ZNF804A: variants seen among roughly 807,000 people sequenced by gnomAD.
ZNF804A encodes the protein zinc finger protein 804A.
Under a neutral mutation model 16.5 loss-of-function variants are expected in ZNF804A, and 2 were observed. That is an observed-to-expected ratio of 0.12 (90% CI 0.05 to 0.38). The LOEUF is 0.38. Ranked by LOEUF, ZNF804A falls within the 10% of genes least tolerant of loss-of-function variation. The pLI, the probability that ZNF804A is intolerant of heterozygous loss-of-function variation, is 0.99. For synonymous variants in ZNF804A, 534 were observed against 489.6 expected (o/e 1.09, Z -1.20); for missense variants, 1,473 against 1,390.7 (o/e 1.06, Z -0.94).
intron 1 of ZNF804A, among the ~76,000 whole-genome samples, chr2:184,658,733 C>G (rs1180655249): frequency 6.6e-6 from 1 of 152,104 alleles, no homozygotes; most frequent in Non-Finnish European, 1.5e-5. Flanking sequence ...TAATGCTCTT[C>G]AAGTATCAGA....
chr2:184,622,905 A>G (rs575682150), intron 1 of ZNF804A, among the ~76,000 whole-genome samples: 2 of 152,158 alleles, frequency 1.3e-5, no homozygotes, highest in African/African-American at 2.4e-5. Context: ...CACACAACAA[A>G]GATATGATAT....
chr2:184,661,879 C>T lies in ZNF804A; in HGVS notation c.111+62809C>T, dbSNP rs540771318. ...CTGTTGTTCCACCAACATTTTTAAA[C>T]TCCAGTTTCTCCTTTCCAGTATATA... is the stretch of plus-strand genomic sequence containing the variant. On this transcript the variant is annotated intron_variant, in intron 1 of 3. Transcript: ENST00000302277. Among the ~76,000 whole-genome samples the T allele has an allele frequency of 8.5e-5, 13 of 152,288 alleles. 1 individual carries two copies. The South Asian group carries it at 2.7e-3, about 32-fold the overall frequency.
Position 184,937,247 on chromosome 2 carries a change from C to G in ZNF804A, c.1851C>G (p.Arg617=). The G allele has an allele frequency of 6.2e-7, 1 of 1,611,558 alleles. No individual in the cohort carries two copies. The highest frequency in any genetic ancestry group is 2.2e-5 in the East Asian group (1 of 44,792). ...AGAAAACCAAAGAATCAGAAACTCG[C>G]TGCAAAATGGAAGCAGAGAATAGTT... The part of the protein sequence containing the change: ...HMEKTKESET[R]CKMEAENSYT... Residue 617 remains arginine (R), a synonymous_variant, in exon 4 of 4, where the codon CGC becomes CGG. Coordinates refer to ENST00000302277, the MANE Select transcript of ZNF804A (RefSeq NM_194250.2).
At chr2:184,626,751 T>G (rs1164645445) in intron 1 of ZNF804A, among the ~76,000 whole-genome samples, 1 of 152,224 alleles carries the variant, frequency 6.6e-6, no homozygotes, top group South Asian at 2.1e-4. Flanking sequence ...ATGACTAGTG[T>G]ACCTTGAAAT....
chr2:184,639,896 G>C (rs1052829796), intron 1 of ZNF804A, among the ~76,000 whole-genome samples: 2 of 152,096 alleles, frequency 1.3e-5, no homozygotes, highest in Non-Finnish European at 2.9e-5. Context: ...CAGTTACTCG[G>C]GAGACTGAGG....
chr2:184,839,389 A>T (rs1277356796), intron 1 of ZNF804A, among the ~76,000 whole-genome samples: 1 of 152,024 alleles, frequency 6.6e-6, no homozygotes, highest in Non-Finnish European at 1.5e-5. Context: ...AAAAATCTGG[A>T]CTCCTGTGCA....
intron 2 of ZNF804A, among the ~76,000 whole-genome samples, chr2:184,926,780 A>G: frequency 6.6e-6 from 1 of 152,108 alleles, no homozygotes; most frequent in East Asian, 1.9e-4. Flanking sequence ...TGATAGATCA[A>G]TTGTTTTTAA....
chr2:184,691,744 T>G (rs1692733671), intron 1 of ZNF804A, among the ~76,000 whole-genome samples: 1 of 151,774 alleles, frequency 6.6e-6, no homozygotes, highest in East Asian at 1.9e-4. Flanking sequence ...TCTATGTCTT[T>G]CTAGTACGAA....
At chr2:184,700,033 A>G (rs1310805025) in intron 1 of ZNF804A, among the ~76,000 whole-genome samples, 2 of 152,026 alleles carry the variant, frequency 1.3e-5, no homozygotes, top group East Asian at 1.9e-4. Context: ...TTATACCACT[A>G]ATGTGTTTAA....
intron 1 of ZNF804A, among the ~76,000 whole-genome samples, chr2:184,754,515 C>T (rs1403722538): frequency 6.6e-6 from 1 of 151,758 alleles, no homozygotes; most frequent in Non-Finnish European, 1.5e-5. Context: ...AAGTCATTCC[C>T]TATTTCAGCT....
chr2:184,768,117 C>T (rs549466743), intron 1 of ZNF804A, among the ~76,000 whole-genome samples: 4 of 151,986 alleles, frequency 2.6e-5, no homozygotes, highest in African/African-American at 4.8e-5. Context: ...AATAAAAATA[C>T]AACAGTAAAA....
rs532795841 is a variant in ZNF804A at position 184,700,630 on chromosome 2, A to T, written c.111+101560A>T. 1.1e-4 allele frequency among the ~76,000 whole-genome samples: 16 copies of T among 152,214 alleles called. 1 individual carries two copies. The South Asian group carries it at 2.9e-3, about 28-fold the overall frequency. ...TGGAAGACAACCTTGAATGACAAAG[A>T]CAAACTAAAGACAGCAATCTGGAAA... On this transcript the variant is annotated intron_variant, in intron 1 of 3. Coordinates refer to ENST00000302277, the MANE Select transcript of ZNF804A (RefSeq NM_194250.2).
At chr2:184,790,849 C>A (rs560183160) in intron 1 of ZNF804A, among the ~76,000 whole-genome samples, 1 of 152,238 alleles carries the variant, frequency 6.6e-6, no homozygotes, top group East Asian at 1.9e-4. Flanking sequence ...GTGATCCACC[C>A]ACCTCGGCCT....
chr2:184,768,035 A>C (rs1016225934), intron 1 of ZNF804A, among the ~76,000 whole-genome samples: 1 of 152,156 alleles, frequency 6.6e-6, no homozygotes. Context: ...TTAACATTAC[A>C]GTTGGTGCTC....
At chr2:184,664,627 G>A (rs142521295) in intron 1 of ZNF804A, among the ~76,000 whole-genome samples, 5 of 151,902 alleles carry the variant, frequency 3.3e-5, no homozygotes, top group Admixed American at 1.3e-4. Flanking sequence ...CTACAACATC[G>A]ATTTCTCAGT....
chr2:184,906,583 G>A (rs1275645070), intron 2 of ZNF804A, among the ~76,000 whole-genome samples: 1 of 152,060 alleles, frequency 6.6e-6, no homozygotes, highest in Non-Finnish European at 1.5e-5. Flanking sequence ...TTATGGGCAT[G>A]AGCCACCATG....
At chr2:184,628,150 A>G (rs1691536596) in intron 1 of ZNF804A, among the ~76,000 whole-genome samples, 1 of 152,122 alleles carries the variant, frequency 6.6e-6, no homozygotes, top group Non-Finnish European at 1.5e-5. Context: ...CCCTGTCTCT[A>G]CTATAAATAA....
intron 2 of ZNF804A, among the ~76,000 whole-genome samples, chr2:184,928,139 T>C (rs1377318429): frequency 6.6e-6 from 1 of 152,166 alleles, no homozygotes; most frequent in African/African-American, 2.4e-5. Flanking sequence ...CACGAAGTAC[T>C]ACCTGGGTAT....
In ZNF804A at chr2:184,902,705, C is replaced by CTGAA. The variant is rs1472624375; in HGVS notation, c.256-30895_256-30892dup. 4 of 152,180 alleles carry CTGAA rather than the reference C, an allele frequency of 2.6e-5. No homozygotes were observed. In the East Asian group the frequency reaches 7.7e-4, roughly 29 times the overall value. The allele number at this position is 152,180 out of a possible 1,614,324, so 9.4% of individuals were successfully genotyped here. A position where few individuals can be genotyped will look rare whatever the true frequency, so the allele number is the denominator to read the frequency against. On this transcript the variant is annotated intron_variant, in intron 2 of 3. Transcript: ENST00000302277. Reference sequence around the variant, plus strand: ...CTCAAGTTCTGGTTGAGTTGTGCTTCTGAATGTTTTCTTTTTTTTACCTTA... The same window carrying CTGAA: ...CTCAAGTTCTGGTTGAGTTGTGCTTCTGAATGAATGTTTTCTTTTTTTTACCTTA...
Sources: allele counts gnomAD v4.1 joint callset (sites outside exome capture counted in the v4.1 genomes callset), GRCh38; gene constraint gnomAD v4.1.1; transcripts MANE v1.5; gene names NCBI Gene and HGNC (gene_info 2026-07-23, HGNC 2026-07-21).